Variants in GRID2 observed in about 807,000 individuals in gnomAD.
The protein encoded by GRID2 is glutamate receptor ionotropic, delta-2.
In GRID2, 33 loss-of-function variants were observed where a neutral mutation model predicts 114.8. The observed-to-expected ratio is 0.29, with a 90% CI of 0.22 to 0.38. GRID2 has a LOEUF of 0.38. Ranked by LOEUF, GRID2 falls within the 10% of genes least tolerant of loss-of-function variation. GRID2 has a pLI of 1.00. For synonymous variants in GRID2, 505 were observed against 449.9 expected, an observed-to-expected ratio of 1.12 and a Z score of -1.55; for missense variants, 1,184 against 1,257.7, an observed-to-expected ratio of 0.94 and a Z score of 0.89.
At chr4:93,685,647 A>G (rs1177380282) in intron 14 of GRID2, among the ~76,000 whole-genome samples, 1 of 151,964 alleles carries the variant, frequency 6.6e-6, no homozygotes, top group Non-Finnish European at 1.5e-5. Flanking sequence ...TGCCTGGATA[A>G]TCTCATCTCC....
intron 2 of GRID2, among the ~76,000 whole-genome samples, chr4:92,852,292 C>T (rs1011993418): frequency 9.2e-5 from 14 of 151,764 alleles, no homozygotes; most frequent in Non-Finnish European, 1.3e-4. Context: ...AATACATGCT[C>T]CAGCCAGTTC....
intron 2 of GRID2, among the ~76,000 whole-genome samples, chr4:92,771,980 C>T (rs138829838): frequency 0.012 from 1,891 of 152,302 alleles, 17 homozygotes; most frequent in Non-Finnish European, 0.02. Flanking sequence ...TTAATTCAAT[C>T]AGCCATGTCT....
intron 8 of GRID2, among the ~76,000 whole-genome samples, chr4:93,250,505 A>T (rs1748754778): frequency 6.6e-6 from 1 of 150,838 alleles, no homozygotes. Context: ...AAAAATAATA[A>T]TTCTGCTATT....
At chr4:92,344,154 A>C (rs2110168702) in intron 1 of GRID2, among the ~76,000 whole-genome samples, 1 of 152,208 alleles carries the variant, frequency 6.6e-6, no homozygotes, top group Non-Finnish European at 1.5e-5. Context: ...TACAATATAC[A>C]ATTTTTTTAA....
At chr4:93,683,144 C>T (rs1725748699) in intron 14 of GRID2, among the ~76,000 whole-genome samples, 1 of 151,790 alleles carries the variant, frequency 6.6e-6, no homozygotes, top group Admixed American at 6.6e-5. Context: ...TTGCCATTCT[C>T]ATCAGCATAG....
intron 9 of GRID2, among the ~76,000 whole-genome samples, chr4:93,422,123 AAAGAT>A (rs1185329488): frequency 6.6e-6 from 1 of 152,208 alleles, no homozygotes; most frequent in African/African-American, 2.4e-5. Flanking sequence ...AAAAATGGGA[AAAGAT>A]AAAAGAGGTG....
intron 8 of GRID2, among the ~76,000 whole-genome samples, chr4:93,274,907 T>G (rs1415504437): frequency 1.3e-5 from 2 of 152,068 alleles, no homozygotes; most frequent in Admixed American, 1.3e-4. Context: ...ATAACAGCTT[T>G]ATTGAGTTAT....
At chr4:92,605,783 G>A (rs1729424317) in intron 2 of GRID2, among the ~76,000 whole-genome samples, 2 of 151,982 alleles carry the variant, frequency 1.3e-5, no homozygotes, top group Non-Finnish European at 2.9e-5. Context: ...CATCATCAAT[G>A]TCATTCCTTG....
At chr4:93,393,361 G>A (rs1017119897) in intron 8 of GRID2, among the ~76,000 whole-genome samples, 1 of 151,836 alleles carries the variant, frequency 6.6e-6, no homozygotes, top group African/African-American at 2.4e-5. Flanking sequence ...GAAAAAAAAG[G>A]AGAACACAGA....
At position 92,547,603 on chromosome 4, in the gene GRID2, C is replaced by A. The variant is rs116102986; in HGVS notation, c.89-42528C>A. On this transcript the variant is annotated intron_variant, in intron 1 of 15. Coordinates refer to ENST00000282020, the MANE Select transcript of GRID2 (RefSeq NM_001510.4). ...ACTCACATTTTAAAATTTTGTCTTA[C>A]CCAAAATGGAAAATACAGGACTTAT... Among the ~76,000 whole-genome samples the A allele has an allele frequency of 5.5e-3, 835 of 151,970 alleles. 5 individuals carry two copies. Among genetic ancestry groups the A allele is most frequent in the African/African-American group, 0.019 (793 of 41,476 alleles).
chr4:92,770,605 G>A (rs868683512), intron 2 of GRID2, among the ~76,000 whole-genome samples: 60 of 152,240 alleles, frequency 3.9e-4, no homozygotes, highest in African/African-American at 1.2e-3. Flanking sequence ...CAATCATGGT[G>A]GAAGGTGAAA....
intron 2 of GRID2, among the ~76,000 whole-genome samples, chr4:92,810,213 A>G (rs1740603928): frequency 1.3e-5 from 2 of 151,944 alleles, no homozygotes; most frequent in Admixed American, 6.6e-5. Context: ...TACAGTTTCT[A>G]ATTTGATGAA....
Position 93,210,390 on chromosome 4 carries a change from G to A in GRID2, c.789+2933G>A, listed in dbSNP as rs539454651. Reference sequence around the variant, plus strand: ...TTGTTGTCAGCTTTCTCAAAGATCAGGTAGTTGCAGGTATGCAGCCTTATA... The same window carrying A: ...TTGTTGTCAGCTTTCTCAAAGATCAAGTAGTTGCAGGTATGCAGCCTTATA... On this transcript the variant is annotated intron_variant, in intron 5 of 15. Transcript: ENST00000282020. Among the ~76,000 whole-genome samples, 8 of 152,196 alleles carry A rather than the reference G, an allele frequency of 5.3e-5. No individual in the cohort carries two copies. The South Asian group carries it at 1.7e-3, about 32-fold the overall frequency.
chr4:93,315,035 G>C (rs1451627983), intron 8 of GRID2, among the ~76,000 whole-genome samples: 2 of 152,004 alleles, frequency 1.3e-5, no homozygotes, highest in Admixed American at 6.6e-5. Flanking sequence ...TGCCTGGCTG[G>C]GGAGGCCTCA....
intron 2 of GRID2, among the ~76,000 whole-genome samples, chr4:92,778,019 G>A (rs1415043576): frequency 1.3e-5 from 2 of 152,074 alleles, no homozygotes; most frequent in African/African-American, 2.4e-5. Flanking sequence ...GAGATAACTA[G>A]GCATTTAGGG....
intron 2 of GRID2, among the ~76,000 whole-genome samples, chr4:92,923,903 A>G (rs1478323255): frequency 2.0e-5 from 3 of 152,216 alleles, no homozygotes; most frequent in Non-Finnish European, 4.4e-5. Flanking sequence ...TACTGGGTAT[A>G]TACCCAAAGG....
At chr4:93,194,750 A>G (rs1254823159) in intron 4 of GRID2, among the ~76,000 whole-genome samples, 1 of 152,212 alleles carries the variant, frequency 6.6e-6, no homozygotes, top group African/African-American at 2.4e-5. Context: ...TTCATAAAAC[A>G]GTGGATCTCA....
intron 14 of GRID2, among the ~76,000 whole-genome samples, chr4:93,742,214 A>T: frequency 6.6e-6 from 1 of 152,170 alleles, no homozygotes. Flanking sequence ...CCTATGAATA[A>T]ATATGAGTAG....
intron 2 of GRID2, among the ~76,000 whole-genome samples, chr4:92,786,203 C>T (rs1402092225): frequency 1.3e-5 from 2 of 151,856 alleles, no homozygotes; most frequent in Non-Finnish European, 2.9e-5. Flanking sequence ...CTGTCTCTAA[C>T]ATGCCTTCCC....
Sources: allele counts gnomAD v4.1 joint callset (sites outside exome capture counted in the v4.1 genomes callset), GRCh38; gene constraint gnomAD v4.1.1; transcripts MANE v1.5; gene names NCBI Gene and HGNC (gene_info 2026-07-23, HGNC 2026-07-21).